CDH13: variants seen among roughly 807,000 people sequenced by gnomAD.
The protein encoded by CDH13 is cadherin 13.
CDH13 carries 24 observed loss-of-function variants against 63.8 expected under a neutral mutation model. That is an observed-to-expected ratio of 0.38 (90% CI 0.27 to 0.53). The LOEUF (loss-of-function observed/expected upper bound fraction) is 0.53. CDH13 is among the 20% of genes least tolerant of loss of function. The pLI is 0.85. For missense variants in CDH13, 1,049 were observed against 903.1 expected (o/e 1.16, Z -2.07); for synonymous variants, 503 against 355.3 (o/e 1.42, Z -4.67).
intron 2 of CDH13, among the ~76,000 whole-genome samples, chr16:82,938,200 G>A (rs1398947918): frequency 6.6e-6 from 1 of 152,114 alleles, no homozygotes; most frequent in African/African-American, 2.4e-5. Flanking sequence ...TTTTTCAACA[G>A]CTATTTTTCC....
At chr16:83,060,418 A>C (rs959756697) in intron 3 of CDH13, among the ~76,000 whole-genome samples, 1 of 152,134 alleles carries the variant, frequency 6.6e-6, no homozygotes, top group Non-Finnish European at 1.5e-5. Context: ...TGAAAAGACA[A>C]AGTGTGAAAG....
chr16:83,090,201 CT>C (rs2033824293), intron 3 of CDH13, among the ~76,000 whole-genome samples: 3 of 152,188 alleles, frequency 2.0e-5, no homozygotes, highest in African/African-American at 7.2e-5. Flanking sequence ...CAATTTCAGG[CT>C]CTTTCGTGCC....
chr16:83,131,754 AC>A (rs1567860710), intron 4 of CDH13, among the ~76,000 whole-genome samples: 1 of 152,204 alleles, frequency 6.6e-6, no homozygotes, highest in African/African-American at 2.4e-5. Context: ...CAATGAAAGT[AC>A]TTTTTTACAG....
chr16:83,454,337 A>T (rs1460997292), intron 6 of CDH13, among the ~76,000 whole-genome samples: 2 of 152,242 alleles, frequency 1.3e-5, no homozygotes, highest in Admixed American at 1.3e-4. Flanking sequence ...ATAAGCCCAA[A>T]AGAAATCAAA....
At chr16:83,228,217 G>C (rs1597556797) in intron 5 of CDH13, among the ~76,000 whole-genome samples, 1 of 152,318 alleles carries the variant, frequency 6.6e-6, no homozygotes, top group East Asian at 1.9e-4. Flanking sequence ...GTTTTTAGTT[G>C]TCACAACTGG....
chr16:83,174,746 A>G (rs9937624), intron 4 of CDH13, among the ~76,000 whole-genome samples: 33,640 of 152,112 alleles, frequency 0.22, 6,115 homozygotes, highest in African/African-American at 0.5. Context: ...TCCTTGACTC[A>G]CATTTCTACA....
chr16:82,915,554 A>G (rs369913620), intron 2 of CDH13, among the ~76,000 whole-genome samples: 50 of 152,154 alleles, frequency 3.3e-4, no homozygotes, highest in African/African-American at 1.1e-3. Context: ...GTCATTGTTG[A>G]AAAATCTTAG....
chr16:82,671,294 G>A (rs1472543566), intron 1 of CDH13, among the ~76,000 whole-genome samples: 3 of 151,950 alleles, frequency 2.0e-5, no homozygotes, highest in African/African-American at 7.3e-5. Flanking sequence ...GTCTTCCTTT[G>A]TTTGGGATGT....
intron 1 of CDH13, among the ~76,000 whole-genome samples, chr16:82,801,269 C>G (rs924801512): frequency 6.6e-6 from 1 of 152,312 alleles, no homozygotes; most frequent in East Asian, 1.9e-4. Context: ...TGCTATCAGC[C>G]TGTTTCTGTT....
chr16:82,910,317 C>T (rs1193479374), intron 2 of CDH13, among the ~76,000 whole-genome samples: 6 of 152,192 alleles, frequency 3.9e-5, no homozygotes, highest in African/African-American at 1.2e-4. Context: ...ACATGCTTCT[C>T]TCTGCACCTG....
At chr16:82,854,195 C>G (rs185853458) in intron 1 of CDH13, among the ~76,000 whole-genome samples, 110 of 152,122 alleles carry the variant, frequency 7.2e-4, no homozygotes, top group Admixed American at 2.2e-3. Context: ...GTCAGGATAT[C>G]GAGACCACCC....
chr16:83,779,406 CAAAAAAAAAAAAAA>C (rs144757645), intron 11 of CDH13, among the ~76,000 whole-genome samples: 11 of 82,552 alleles, frequency 1.3e-4, no homozygotes, highest in African/African-American at 5.0e-4. Flanking sequence ...GACTCCATCT[CAAAAAAAAAAAAAA>C]AAAAAAAAAA....
chr16:82,950,269 C>G (rs1023420259), intron 2 of CDH13, among the ~76,000 whole-genome samples: 1 of 152,114 alleles, frequency 6.6e-6, no homozygotes, highest in Non-Finnish European at 1.5e-5. Flanking sequence ...CCAATCTCAA[C>G]CTTCCCTTTG....
chr16:83,312,066 C>T (rs76307098), intron 5 of CDH13, among the ~76,000 whole-genome samples: 1 of 94,954 alleles, frequency 1.1e-5, no homozygotes, highest in Non-Finnish European at 2.1e-5. Context: ...AACTCCATCT[C>T]AAAAAAAAAA....
chr16:82,901,324 C>CTGTGTGTGTGTGTGTG (rs61370328), intron 2 of CDH13, among the ~76,000 whole-genome samples: 3 of 130,416 alleles, frequency 2.3e-5, no homozygotes, highest in East Asian at 2.3e-4. Flanking sequence ...TAGTATTCTC[C>CTGTGTGTGTGTGTGTG]TGTGTGTGTG....
chr16:83,104,139 T>C (rs964297703), intron 3 of CDH13, among the ~76,000 whole-genome samples: 1 of 152,206 alleles, frequency 6.6e-6, no homozygotes, highest in African/African-American at 2.4e-5. Context: ...CTCTTCTCTT[T>C]TTAAAGCTGT....
chr16:82,787,945 G>A lies in CDH13; in HGVS notation c.46-70417G>A, dbSNP rs372951605. On this transcript the variant is annotated intron_variant, in intron 1 of 13. Transcript: ENST00000567109. ...CTCACAACTCCTGGGCTGTACCTAC[G>A]ATACAGTAAGTAAGAGGATGGTGTC... is the stretch of plus-strand genomic sequence containing the variant. 4.1e-5 allele frequency among the ~76,000 whole-genome samples: 6 copies of A among 145,216 alleles called. No homozygotes were observed. The South Asian group carries it at 9.0e-4, about 22-fold the overall frequency.
rs1220388454 is a variant in CDH13 at position 83,275,586 on chromosome 16, A to G, written c.636+58089A>G. On this transcript the variant is annotated intron_variant, in intron 5 of 13. Coordinates refer to ENST00000567109, the MANE Select transcript of CDH13 (RefSeq NM_001257.5). ...GGGGAGCTCAGAAAGCGTGTATAGGAGGGGCTTAAGGAGGGGGCACCATTT... is the reference window on the plus strand; with the variant it reads ...GGGGAGCTCAGAAAGCGTGTATAGGGGGGGCTTAAGGAGGGGGCACCATTT... 3.3e-5 allele frequency among the ~76,000 whole-genome samples: 5 copies of G among 151,712 alleles called. No homozygotes were observed. In the South Asian group the frequency reaches 8.3e-4, roughly 25 times the overall value.
intron 1 of CDH13, among the ~76,000 whole-genome samples, chr16:82,831,045 G>C (rs1042566066): frequency 6.6e-6 from 1 of 152,118 alleles, no homozygotes; most frequent in Non-Finnish European, 1.5e-5. Context: ...ATTCTCTAGA[G>C]TGCTGCTTCC....
Sources: gnomAD v4.1 joint callset for allele counts (sites outside exome capture counted in the v4.1 genomes callset) on GRCh38, gnomAD v4.1.1 for gene constraint, MANE v1.5 for transcripts, NCBI Gene and HGNC (gene_info 2026-07-23, HGNC 2026-07-21) for gene names.